Variants in OR7C1 observed in about 807,000 individuals in gnomAD.
OR7C1 encodes olfactory receptor 7C1.
For missense variants in OR7C1, 324 were observed against 383.3 expected, an observed-to-expected ratio of 0.85 and a Z score of 1.29; for synonymous variants, 152 against 160.7, an observed-to-expected ratio of 0.95 and a Z score of 0.41.
At chr19:14,827,911 C>T in intron 1 of OR7C1, 1 of 1,614,178 alleles carries the variant, frequency 6.2e-7, no homozygotes, top group Non-Finnish European at 8.5e-7. Context: ...AGGAAGTTTT[C>T]AAATCCAGCA....
chr19:14,811,258 T>G (rs779837861), intron 1 of OR7C1, among the ~76,000 whole-genome samples: 1 of 151,842 alleles, frequency 6.6e-6, no homozygotes, highest in Non-Finnish European at 1.5e-5. Flanking sequence ...AAAATCAAGG[T>G]GCAAGAAGGG....
At chr19:14,825,870 C>T (rs1312191874) in intron 1 of OR7C1, 1 of 152,310 alleles carries the variant, frequency 6.6e-6, no homozygotes, top group African/African-American at 2.4e-5. Context: ...TATGAGATGA[C>T]TTGTTATTCA....
rs997107111 is a variant in OR7C1 at position 14,800,397 on chromosome 19, C to T, written c.-155G>A. ...GCTTCTCAAAGTGTTGTCCATGAAC[C>T]AACAAGATCAACAAGAGTTTCTTTA... On this transcript the variant is annotated 5_prime_UTR_variant, in exon 4 of 5. Transcript: ENST00000641666. 4.7e-5 allele frequency: 18 copies of T among 386,434 alleles called. No homozygotes were observed. The East Asian group carries it at 4.8e-4, about 10-fold the overall frequency. The allele number at this position is 386,434 out of a possible 1,614,324, so 23.9% of individuals were successfully genotyped here.
At chr19:14,810,226 CT>C (rs1238069919) in intron 1 of OR7C1, among the ~76,000 whole-genome samples, 1 of 151,776 alleles carries the variant, frequency 6.6e-6, no homozygotes, top group African/African-American at 2.4e-5. Context: ...AATGAACATC[CT>C]TCCCCCAACA....
At chr19:14,817,376 TA>T (rs770713470) in intron 1 of OR7C1, among the ~76,000 whole-genome samples, 2 of 152,240 alleles carry the variant, frequency 1.3e-5, no homozygotes, top group Admixed American at 6.5e-5. Flanking sequence ...GGATCTACTT[TA>T]AAAAATAGTG....
At chr19:14,828,415 C>T in intron 1 of OR7C1, 2 of 703,160 alleles carry the variant, frequency 2.8e-6, no homozygotes, top group Non-Finnish European at 4.7e-6. Flanking sequence ...TGATTAGGAA[C>T]TCCTTCCCAC....
At chr19:14,828,411 G>A (rs930010818) in intron 1 of OR7C1, 6 of 742,756 alleles carry the variant, frequency 8.1e-6, no homozygotes, top group African/African-American at 7.1e-5. Context: ...TCTCTGATTA[G>A]GAACTCCTTC....
chr19:14,833,822 G>A (rs528023406), intron 1 of OR7C1, among the ~76,000 whole-genome samples: 24 of 152,296 alleles, frequency 1.6e-4, no homozygotes, highest in Admixed American at 5.2e-4. Flanking sequence ...CAGCCTGAGC[G>A]GGGATGGAGT....
intron 2 of OR7C1, among the ~76,000 whole-genome samples, chr19:14,808,253 G>A (rs2044675213): frequency 6.6e-6 from 1 of 151,920 alleles, no homozygotes; most frequent in South Asian, 2.1e-4. Context: ...ATTCAATCCA[G>A]CAATCCCACT....
chr19:14,812,198 A>G (rs1023235495), intron 1 of OR7C1, among the ~76,000 whole-genome samples: 1 of 152,224 alleles, frequency 6.6e-6, no homozygotes, highest in African/African-American at 2.4e-5. Flanking sequence ...CTTAGGGGCT[A>G]CACTTAGAGC....
chr19:14,827,294 C>G (rs1229718532), intron 1 of OR7C1: 1 of 1,549,480 alleles, frequency 6.5e-7, no homozygotes, highest in African/African-American at 1.4e-5. Context: ...ATGGGCACTT[C>G]TTGAAAAATT....
At chr19:14,812,203 T>TA (rs1457303971) in intron 1 of OR7C1, among the ~76,000 whole-genome samples, 2 of 152,206 alleles carry the variant, frequency 1.3e-5, no homozygotes, top group African/African-American at 4.8e-5. Context: ...GGGCTACACT[T>TA]AGAGCTGGCA....
chr19:14,824,493 T>C (rs2044755952), intron 1 of OR7C1: 1 of 152,274 alleles, frequency 6.6e-6, no homozygotes, highest in Non-Finnish European at 1.5e-5. Flanking sequence ...TTTCTGTTTC[T>C]GCATTAGTTC....
At chr19:14,825,808 C>T (rs2044763368) in intron 1 of OR7C1, 1 of 152,440 alleles carries the variant, frequency 6.6e-6, no homozygotes. Context: ...AGAAGACACC[C>T]CCAACGTAGA....
At position 14,829,358 on chromosome 19, in the gene OR7C1, C is replaced by G. The variant is rs569984410; in HGVS notation, c.-623+5716G>C. Among the ~76,000 whole-genome samples, 169 of 152,324 alleles carry G rather than the reference C, an allele frequency of 1.1e-3. 2 individuals carry two copies. The highest frequency in any genetic ancestry group is 0.01 in the Admixed American group (153 of 15,292). The stretch of plus-strand genomic sequence containing the variant: ...AGCTGGGATTACAGGCATGCACCAC[C>G]ACGCCCAGCTAATTTTGTATTTTTA... On this transcript the variant is annotated intron_variant, in intron 1 of 4. Transcript: ENST00000641666.
intron 2 of OR7C1, among the ~76,000 whole-genome samples, chr19:14,803,899 C>T (rs1230480477): frequency 1.3e-5 from 2 of 151,856 alleles, no homozygotes; most frequent in Non-Finnish European, 2.9e-5. Flanking sequence ...TTAGTAGAGA[C>T]GGGGTTTCAC....
intron 1 of OR7C1, among the ~76,000 whole-genome samples, chr19:14,820,397 G>T (rs1356617587): frequency 2.6e-5 from 4 of 151,412 alleles, no homozygotes; most frequent in Non-Finnish European, 5.9e-5. Context: ...GGGGCCTGTT[G>T]GGGGGTCGGG....
rs117261516 is a variant in OR7C1, at chr19:14,808,556, G to A, written c.-435+1250C>T. On this transcript the variant is annotated intron_variant, in intron 2 of 4. Coordinates refer to ENST00000641666, the Ensembl canonical transcript of OR7C1. ...TACCATATGTTTTCACTTATAAGCA[G>A]AAGCCAAACAATGTATACCATGGGC... Among the ~76,000 whole-genome samples the A allele has an allele frequency of 9.9e-3, 1,398 of 140,954 alleles. 17 individuals are homozygous for A. Among genetic ancestry groups the A allele is most frequent in the Non-Finnish European group, 0.014 (955 of 66,024 alleles). The allele number at this position is 140,954 out of a possible 152,430, so 92.5% of individuals were successfully genotyped here.
chr19:14,807,312 CTT>C (rs1167301664), intron 2 of OR7C1, among the ~76,000 whole-genome samples: 2 of 151,850 alleles, frequency 1.3e-5, no homozygotes, highest in Admixed American at 1.3e-4. Context: ...TATATCCATT[CTT>C]TTTTTGTTAT....
Sources: gnomAD v4.1 joint callset for allele counts (sites outside exome capture counted in the v4.1 genomes callset) on GRCh38, gnomAD v4.1.1 for gene constraint, MANE v1.5 for transcripts, NCBI Gene and HGNC (gene_info 2026-07-23, HGNC 2026-07-21) for gene names.